Variants in NAALAD2 observed in about 807,000 individuals in gnomAD.
NAALAD2 encodes N-acetylated-alpha-linked acidic dipeptidase 2.
Under a neutral mutation model 95.6 loss-of-function variants are expected in NAALAD2, and 89 were observed. The observed-to-expected ratio is 0.93, with a 90% CI of 0.78 to 1.11. NAALAD2 has a LOEUF of 1.11. NAALAD2 is among the 50% of genes least tolerant of loss of function. The pLI is 0.00. For missense variants in NAALAD2, 894 were observed against 872.4 expected, an observed-to-expected ratio of 1.02 and a Z score of -0.31; for synonymous variants, 264 against 294.4, an observed-to-expected ratio of 0.90 and a Z score of 1.06.
Position 90,150,626 on chromosome 11 carries a change from T to C in NAALAD2, c.609+19T>C, listed in dbSNP as rs1016682666. The C allele has an allele frequency of 6.4e-7, 1 of 1,566,420 alleles. No individual in the cohort carries two copies. The highest frequency in any genetic ancestry group is 1.2e-5 in the South Asian group (1 of 86,766). ...AAATAAAGTACAGTATTATTTGTTT[T>C]TCTACAGAGAATGAGAGGATATATA... On this transcript the variant is annotated intron_variant, in intron 5 of 18. Coordinates refer to ENST00000534061, the MANE Select transcript of NAALAD2 (RefSeq NM_005467.4).
rs550849210 is a variant in NAALAD2 at position 90,156,126 on chromosome 11, A to T, written c.797-2019A>T. 1.1e-4 allele frequency among the ~76,000 whole-genome samples: 16 copies of T among 151,874 alleles called. No individual in the cohort carries two copies. The South Asian group carries it at 3.3e-3, about 32-fold the overall frequency. ...TTAGCAATTTAGTCATTTCTCCTTT[A>T]GTCCTGATCTGTCTTGTTGGAAGTT... On this transcript the variant is annotated intron_variant, in intron 6 of 18. Transcript: ENST00000534061.
upstream of NAALAD2, chr11:90,134,463 T>C: frequency 2.6e-6 from 1 of 379,756 alleles, no homozygotes; most frequent in Non-Finnish European, 4.8e-6. Flanking sequence ...AGGAAAAAAT[T>C]AGGGACGTTT....
intron 2 of NAALAD2, among the ~76,000 whole-genome samples, chr11:90,139,504 A>T (rs185344971): frequency 6.6e-6 from 1 of 152,290 alleles, no homozygotes; most frequent in Non-Finnish European, 1.5e-5. Context: ...CTTTCTCCTC[A>T]GTAATTTTCT....
At chr11:90,168,198 C>T (rs1220553317) in intron 11 of NAALAD2, among the ~76,000 whole-genome samples, 2 of 152,176 alleles carry the variant, frequency 1.3e-5, no homozygotes, top group Admixed American at 6.5e-5. Context: ...AGCTTCACTT[C>T]TGAGCCAGCG....
chr11:90,155,906 A>T (rs1412638319), intron 6 of NAALAD2, among the ~76,000 whole-genome samples: 2 of 143,566 alleles, frequency 1.4e-5, no homozygotes, highest in African/African-American at 2.6e-5. Flanking sequence ...TATATTATAT[A>T]ATATGTAATA....
At chr11:90,186,204 A>G (rs1857136983) in intron 18 of NAALAD2, among the ~76,000 whole-genome samples, 1 of 144,642 alleles carries the variant, frequency 6.9e-6, no homozygotes, top group Admixed American at 6.9e-5. Flanking sequence ...CAGTCCCCAG[A>G]GTGTGATATT....
chr11:90,152,533 C>T, intron 6 of NAALAD2, 49 bp downstream of exon 6: 1 of 1,434,368 alleles, frequency 7.0e-7, no homozygotes, highest in African/African-American at 1.4e-5. Flanking sequence ...ATACTCCTTG[C>T]CCTTTTAGAA....
chr11:90,179,099 C>A (rs1487019898), intron 16 of NAALAD2, among the ~76,000 whole-genome samples: 1 of 152,142 alleles, frequency 6.6e-6, no homozygotes, highest in African/African-American at 2.4e-5. Context: ...TATCATGTTT[C>A]AAAGATCATT....
At chr11:90,181,916 A>T (rs984722660) in intron 17 of NAALAD2, among the ~76,000 whole-genome samples, 4 of 152,046 alleles carry the variant, frequency 2.6e-5, no homozygotes, top group African/African-American at 7.2e-5. Flanking sequence ...TTGCATTTTA[A>T]CTACCACCCC....
At chr11:90,144,929 C>T (rs1441597938) in intron 2 of NAALAD2, among the ~76,000 whole-genome samples, 1 of 151,934 alleles carries the variant, frequency 6.6e-6, no homozygotes, top group Non-Finnish European at 1.5e-5. Flanking sequence ...TTGTATTTCT[C>T]CCAGCCACTT....
At chr11:90,189,339 C>T (rs1275506978) in intron 18 of NAALAD2, among the ~76,000 whole-genome samples, 1 of 152,076 alleles carries the variant, frequency 6.6e-6, no homozygotes, top group African/African-American at 2.4e-5. Flanking sequence ...TGGTAATTTG[C>T]ACAGCAGCAA....
At chr11:90,141,383 T>A (rs1951609906) in intron 2 of NAALAD2, among the ~76,000 whole-genome samples, 1 of 152,210 alleles carries the variant, frequency 6.6e-6, no homozygotes, top group South Asian at 2.1e-4. Context: ...CAATTGTAGA[T>A]CATCTTTCTT....
At chr11:90,142,093 G>A (rs892280424) in intron 2 of NAALAD2, among the ~76,000 whole-genome samples, 1 of 152,114 alleles carries the variant, frequency 6.6e-6, no homozygotes. Flanking sequence ...TTCCAAGACT[G>A]CTGAGGGTTT....
At chr11:90,163,111 A>G in intron 9 of NAALAD2, 77 bp downstream of exon 9, 1 of 1,254,350 alleles carries the variant, frequency 8.0e-7, no homozygotes, top group Admixed American at 2.3e-5. Flanking sequence ...GTAGTCAACA[A>G]TTGAAGTGGG....
At chr11:90,171,818 G>T (rs1413813595) in intron 13 of NAALAD2, among the ~76,000 whole-genome samples, 1 of 152,120 alleles carries the variant, frequency 6.6e-6, no homozygotes, top group Non-Finnish European at 1.5e-5. Context: ...GATGCAGCAA[G>T]AAATGGGGCA....
At chr11:90,160,218 G>GT (rs1231183727) in intron 8 of NAALAD2, among the ~76,000 whole-genome samples, 8 of 152,140 alleles carry the variant, frequency 5.3e-5, no homozygotes, top group African/African-American at 1.9e-4. Context: ...AAGAGTAAAA[G>GT]TTTACCACTG....
intron 16 of NAALAD2, among the ~76,000 whole-genome samples, chr11:90,179,882 T>C (rs1952910610): frequency 6.6e-6 from 1 of 152,134 alleles, no homozygotes; most frequent in African/African-American, 2.4e-5. Context: ...CTGTCATACT[T>C]TCAAAAATCA....
chr11:90,138,538 C>G (rs1218722904), intron 2 of NAALAD2, among the ~76,000 whole-genome samples: 4 of 152,058 alleles, frequency 2.6e-5, no homozygotes, highest in Non-Finnish European at 5.9e-5. Context: ...ATAATGGAAA[C>G]CCTTCTGCCA....
chr11:90,179,459 ATAT>A (rs1454220792), intron 16 of NAALAD2, among the ~76,000 whole-genome samples: 2 of 152,148 alleles, frequency 1.3e-5, no homozygotes, highest in African/African-American at 2.4e-5. Context: ...TGACTTCTGA[ATAT>A]TATTATATAA....
Sources: allele counts gnomAD v4.1 joint callset (sites outside exome capture counted in the v4.1 genomes callset), GRCh38; gene constraint gnomAD v4.1.1; transcripts MANE v1.5; gene names NCBI Gene and HGNC (gene_info 2026-07-23, HGNC 2026-07-21).